Variants in CECR2 observed in about 807,000 individuals in gnomAD.
CECR2 encodes chromatin remodeling regulator CECR2.
In CECR2, 30 loss-of-function variants were observed where a neutral mutation model predicts 154.5. The ratio of observed to expected loss-of-function variants is 0.19; its 90% CI spans 0.15 to 0.26. The LOEUF (loss-of-function observed/expected upper bound fraction) is 0.26, where lower values mean the gene tolerates loss of function less well. Among genes scored for constraint, CECR2 ranks in the 10% least tolerant of loss-of-function variants. The pLI, the probability that CECR2 is intolerant of heterozygous loss-of-function variation, is 1.00. For missense variants in CECR2, 1,743 were observed against 1,829.3 expected (o/e 0.95, Z 0.86); for synonymous variants, 725 against 683.7 (o/e 1.06, Z -0.94).
chr22:17,522,234 A>G (rs2056171623), intron 8 of CECR2, among the ~76,000 whole-genome samples: 1 of 152,174 alleles, frequency 6.6e-6, no homozygotes, highest in Non-Finnish European at 1.5e-5. Context: ...TTTTGGCATC[A>G]GTATACATCT....
At chr22:17,497,858 G>A (rs1462836888) in intron 3 of CECR2, among the ~76,000 whole-genome samples, 3 of 152,126 alleles carry the variant, frequency 2.0e-5, no homozygotes, top group Non-Finnish European at 4.4e-5. Flanking sequence ...TCTGCAATAG[G>A]TACAACCAGA....
chr22:17,490,091 G>A (rs2055498136), intron 2 of CECR2, among the ~76,000 whole-genome samples: 3 of 150,676 alleles, frequency 2.0e-5, no homozygotes, highest in South Asian at 2.1e-4. Flanking sequence ...ATTTAAATTC[G>A]TGATTTAGTA....
intron 1 of CECR2, among the ~76,000 whole-genome samples, chr22:17,417,006 A>G (rs1403548643): frequency 6.7e-6 from 1 of 148,530 alleles, no homozygotes; most frequent in African/African-American, 2.6e-5. Context: ...TATCACATCA[A>G]CATTGTCAGA....
intron 8 of CECR2, among the ~76,000 whole-genome samples, chr22:17,521,480 G>GCT (rs1322431215): frequency 6.6e-6 from 1 of 151,604 alleles, no homozygotes; most frequent in African/African-American, 2.4e-5. Flanking sequence ...AGCCGAGATG[G>GCT]CGCCACTGCA....
At chr22:17,485,194 A>G (rs771478273) in intron 2 of CECR2, among the ~76,000 whole-genome samples, 39 of 152,160 alleles carry the variant, frequency 2.6e-4, no homozygotes, top group Non-Finnish European at 4.6e-4. Context: ...CCATCCTTCC[A>G]TCAGGGATGA....
chr22:17,432,748 A>G (rs780919351), intron 1 of CECR2, among the ~76,000 whole-genome samples: 93 of 152,164 alleles, frequency 6.1e-4, no homozygotes, highest in African/African-American at 2.0e-3. Context: ...CAACCCTCCT[A>G]CCTCAGCCTC....
intron 1 of CECR2, among the ~76,000 whole-genome samples, chr22:17,423,021 T>C (rs947821427): frequency 6.6e-6 from 1 of 152,178 alleles, no homozygotes; most frequent in African/African-American, 2.4e-5. Context: ...CCGATGAGTC[T>C]GGTCTGATGC....
chr22:17,507,010 T>C (rs2055859823), intron 7 of CECR2, among the ~76,000 whole-genome samples: 1 of 152,204 alleles, frequency 6.6e-6, no homozygotes, highest in Non-Finnish European at 1.5e-5. Flanking sequence ...TTATTTCATA[T>C]CGATAATAAT....
chr22:17,432,781 G>A (rs5746377), intron 1 of CECR2, among the ~76,000 whole-genome samples: 29,757 of 151,988 alleles, frequency 0.2, 3,977 homozygotes, highest in African/African-American at 0.36. Context: ...GACTGTAGGC[G>A]CCACCATGCC....
chr22:17,384,635 T>A (rs1286810399), intron 1 of CECR2, among the ~76,000 whole-genome samples: 2 of 152,206 alleles, frequency 1.3e-5, no homozygotes, highest in African/African-American at 4.8e-5. Flanking sequence ...TAAACAGATG[T>A]GCTGTTATCC....
chr22:17,373,891 A>G (rs2063088532), intron 1 of CECR2, among the ~76,000 whole-genome samples: 1 of 152,230 alleles, frequency 6.6e-6, no homozygotes, highest in Admixed American at 6.5e-5. Flanking sequence ...ATTGTTTAAC[A>G]TTCTAGTGGC....
intron 16 of CECR2, among the ~76,000 whole-genome samples, chr22:17,546,033 CAG>C (rs1269210772): frequency 4.6e-5 from 7 of 151,780 alleles, no homozygotes; most frequent in Non-Finnish European, 8.8e-5. Context: ...GCCTGGGCGA[CAG>C]AGTTGAAACT....
At chr22:17,394,366 C>A (rs1303197912) in intron 1 of CECR2, among the ~76,000 whole-genome samples, 1 of 151,852 alleles carries the variant, frequency 6.6e-6, no homozygotes, top group Non-Finnish European at 1.5e-5. Context: ...CCATGCCCAG[C>A]TAAGTTTTTT....
chr22:17,507,235 TA>T (rs1247117887), intron 7 of CECR2, among the ~76,000 whole-genome samples: 1 of 152,210 alleles, frequency 6.6e-6, no homozygotes, highest in Non-Finnish European at 1.5e-5. Flanking sequence ...TACCTTTCTC[TA>T]ATAACGGGAA....
chr22:17,506,953 C>T (rs1234159234), intron 7 of CECR2, among the ~76,000 whole-genome samples: 1 of 152,186 alleles, frequency 6.6e-6, no homozygotes, highest in Non-Finnish European at 1.5e-5. Context: ...CACGTTTAGC[C>T]TGCCTTGCCT....
rs116427900 is a variant in CECR2 at position 17,403,918 on chromosome 22, G to A, written c.126+34009G>A. Among the ~76,000 whole-genome samples, 738 of 152,060 alleles carry A rather than the reference G, an allele frequency of 4.9e-3. 6 individuals carry two copies. Among genetic ancestry groups the A allele is most frequent in the African/African-American group, 0.017 (692 of 41,450 alleles). The stretch of plus-strand genomic sequence containing the variant: ...ATAAAGTACTGATCGAAGTTGGTGG[G>A]GTTTTTTTTGAGTGGGGAGGGGGCA... On this transcript the variant is annotated intron_variant, in intron 1 of 18. Coordinates refer to ENST00000262608, the MANE Select transcript of CECR2 (RefSeq NM_001290047.2).
At chr22:17,435,646 G>A (rs2054492015) in intron 1 of CECR2, among the ~76,000 whole-genome samples, 1 of 145,510 alleles carries the variant, frequency 6.9e-6, no homozygotes, top group Non-Finnish European at 1.5e-5. Flanking sequence ...CACATTCTAG[G>A]GAGTCTAGAA....
chr22:17,401,690 G>GAT (rs2053894385), intron 1 of CECR2, among the ~76,000 whole-genome samples: 1 of 152,288 alleles, frequency 6.6e-6, no homozygotes, highest in East Asian at 1.9e-4. Flanking sequence ...TTGAGGGATA[G>GAT]ATAGTACTAT....
At chr22:17,366,780 A>C (rs1260015641), upstream of CECR2, among the ~76,000 whole-genome samples, 1 of 152,192 alleles carries the variant, frequency 6.6e-6, no homozygotes, top group African/African-American at 2.4e-5. Context: ...CAAATGGAAA[A>C]GCTCTGGTTG....
Sources: gnomAD v4.1 joint callset for allele counts (sites outside exome capture counted in the v4.1 genomes callset) on GRCh38, gnomAD v4.1.1 for gene constraint, MANE v1.5 for transcripts, NCBI Gene and HGNC (gene_info 2026-07-23, HGNC 2026-07-21) for gene names.